VPS13B: variants seen among roughly 807,000 people sequenced by gnomAD.
The protein encoded by VPS13B is vacuolar protein sorting 13 homolog B, also known as intermembrane lipid transfer protein VPS13B.
A neutral mutation model predicts 426.4 loss-of-function variants in VPS13B; 285 were observed. That is an observed-to-expected ratio of 0.67 (90% confidence interval 0.61 to 0.74). The LOEUF (loss-of-function observed/expected upper bound fraction) is 0.74, where lower values mean the gene tolerates loss of function less well. VPS13B is among the 30% of genes least tolerant of loss of function. VPS13B has a pLI of 0.00. For missense variants in VPS13B, 4,537 were observed against 4,782.6 expected (o/e 0.95, Z 1.51); for synonymous variants, 1,676 against 1,676.4 (o/e 1.00, Z 0.01).
chr8:99,624,844 T>C (rs1256586582), intron 33 of VPS13B, among the ~76,000 whole-genome samples: 1 of 151,018 alleles, frequency 6.6e-6, no homozygotes, highest in African/African-American at 2.4e-5. Flanking sequence ...TGAGATGGAG[T>C]TTTGCTCTTG....
chr8:99,853,948 T>C lies in VPS13B; in HGVS notation c.10559T>C (p.Phe3520Ser). The C allele has an allele frequency of 6.2e-7, 1 of 1,614,252 alleles. No homozygotes were observed. The highest frequency in any genetic ancestry group is 8.5e-7 in the Non-Finnish European group (1 of 1,180,044). The change falls in exon 56 of 62, where the codon TTT becomes TCT. Residue 3520 changes from phenylalanine (F) to serine (S), a missense_variant. By Grantham distance (155) the Phe-to-Ser change is radical. Transcript: ENST00000357162. Reference protein sequence around the residue: ...DTFVYYIKTLFDTYLPNSRLA... With the variant: ...DTFVYYIKTLSDTYLPNSRLA... ...TTTGTATACTACATCAAGACTTTGT[T>C]TGACACCTACCTTCCTAACAGCAGG...
At chr8:99,725,561 C>T (rs145616599) in intron 39 of VPS13B, among the ~76,000 whole-genome samples, 127 of 152,262 alleles carry the variant, frequency 8.3e-4, no homozygotes, top group African/African-American at 1.2e-3. Flanking sequence ...TCTATGAAAC[C>T]GGTCCCTGGT....
rs1033237282 is a variant in VPS13B at position 99,525,334 on chromosome 8, A to G, written c.4745+4324A>G. 3.9e-5 allele frequency among the ~76,000 whole-genome samples: 6 copies of G among 152,148 alleles called. No individual in the cohort carries two copies. The South Asian group carries it at 6.2e-4, about 16-fold the overall frequency. On this transcript the variant is annotated intron_variant, in intron 30 of 61. Coordinates refer to ENST00000357162, the MANE Select transcript of VPS13B (RefSeq NM_152564.5). ...CTTTGCCTGTTTGTTTGTTTATGCA[A>G]TCAGTGTTGTCATAAGTTTAAAATA...
At chr8:99,022,939 A>T (rs573842799) in intron 2 of VPS13B, among the ~76,000 whole-genome samples, 1 of 144,130 alleles carries the variant, frequency 6.9e-6, no homozygotes, top group African/African-American at 2.6e-5. Flanking sequence ...TTGTTTTTCT[A>T]CTCTCAAGGT....
At chr8:99,701,639 C>G (rs1340444511) in intron 36 of VPS13B, among the ~76,000 whole-genome samples, 1 of 152,092 alleles carries the variant, frequency 6.6e-6, no homozygotes, top group East Asian at 1.9e-4. Flanking sequence ...AACACAAAAA[C>G]AGCAACTATA....
At chr8:99,813,885 G>A (rs1421127807) in intron 44 of VPS13B, among the ~76,000 whole-genome samples, 1 of 152,204 alleles carries the variant, frequency 6.6e-6, no homozygotes, top group Non-Finnish European at 1.5e-5. Context: ...TATGATCCCA[G>A]CACTTTGGGA....
At chr8:99,206,957 TA>T (rs36120189) in intron 17 of VPS13B, among the ~76,000 whole-genome samples, 1,854 of 151,412 alleles carry the variant, frequency 0.012, 14 homozygotes, top group Middle Eastern at 0.034. Context: ...TATTCTTGCG[TA>T]AAAAAAAATG....
intron 23 of VPS13B, among the ~76,000 whole-genome samples, chr8:99,457,537 A>G (rs1326418092): frequency 6.6e-6 from 1 of 152,072 alleles, no homozygotes; most frequent in Non-Finnish European, 1.5e-5. Flanking sequence ...AATCTGTTAG[A>G]AATAATTTTT....
chr8:99,527,811 A>G (rs1234326839), intron 30 of VPS13B: 6 of 152,188 alleles, frequency 3.9e-5, no homozygotes, highest in Non-Finnish European at 7.4e-5. Flanking sequence ...AAGCATATTA[A>G]TAATTTAATA....
At chr8:99,730,309 C>A (rs914808396) in intron 39 of VPS13B, among the ~76,000 whole-genome samples, 2 of 152,094 alleles carry the variant, frequency 1.3e-5, no homozygotes, top group African/African-American at 4.8e-5. Context: ...GAGGTTGAGC[C>A]AGACTCTTAG....
intron 4 of VPS13B, among the ~76,000 whole-genome samples, chr8:99,101,284 A>C (rs940275874): frequency 6.6e-6 from 1 of 151,928 alleles, no homozygotes; most frequent in Non-Finnish European, 1.5e-5. Flanking sequence ...GGTGCCTGCC[A>C]CCACGCCCGG....
At chr8:99,806,267 C>T (rs1429244602) in intron 43 of VPS13B, among the ~76,000 whole-genome samples, 2 of 152,192 alleles carry the variant, frequency 1.3e-5, no homozygotes, top group Non-Finnish European at 2.9e-5. Context: ...CCTTTTCTCT[C>T]GCCAGTTGAG....
At chr8:99,693,383 G>T (rs1367569495) in intron 35 of VPS13B, among the ~76,000 whole-genome samples, 2 of 150,118 alleles carry the variant, frequency 1.3e-5, no homozygotes, top group Non-Finnish European at 3.0e-5. Flanking sequence ...ATGCAAGGCT[G>T]GTTCAATATA....
chr8:99,828,406 T>G lies in VPS13B; in HGVS notation c.9331-3963T>G, dbSNP rs985499231. ...GATTACAACCACCGTTTTTTTTTTT[T>G]TTTTTTTTTTTTTTTTTTTTTTTTT... On this transcript the variant is annotated intron_variant, in intron 51 of 61. Coordinates refer to ENST00000357162, the MANE Select transcript of VPS13B (RefSeq NM_152564.5). Among the ~76,000 whole-genome samples the G allele has an allele frequency of 1.8e-3, 78 of 43,110 alleles. 5 individuals are homozygous for G. The highest frequency in any genetic ancestry group is 5.6e-3 in the Admixed American group (17 of 3,010). The allele number at this position is 43,110 out of a possible 152,430, so 28.3% of individuals were successfully genotyped here.
intron 31 of VPS13B, among the ~76,000 whole-genome samples, chr8:99,568,879 T>C (rs1034107436): frequency 1.3e-5 from 2 of 151,554 alleles, no homozygotes; most frequent in South Asian, 4.2e-4. Flanking sequence ...TGGCGCAATT[T>C]TGGCTCACTG....
intron 30 of VPS13B, among the ~76,000 whole-genome samples, chr8:99,544,753 A>C (rs1356175487): frequency 6.6e-6 from 1 of 152,242 alleles, no homozygotes; most frequent in Non-Finnish European, 1.5e-5. Flanking sequence ...CAAGAGGTTT[A>C]TATCAACTTA....
chr8:99,653,543 A>G (rs756385059), intron 34 of VPS13B, among the ~76,000 whole-genome samples: 4 of 151,978 alleles, frequency 2.6e-5, no homozygotes, highest in Non-Finnish European at 5.9e-5. Flanking sequence ...GCCACATTAG[A>G]ATTTAATATG....
chr8:99,645,075 A>G (rs976632757), intron 34 of VPS13B, among the ~76,000 whole-genome samples: 5 of 152,146 alleles, frequency 3.3e-5, no homozygotes, highest in Non-Finnish European at 2.9e-5. Flanking sequence ...CTCAACCTCT[A>G]TGGGTCCCCT....
chr8:99,310,492 T>C (rs910768380), intron 19 of VPS13B, among the ~76,000 whole-genome samples: 1 of 152,358 alleles, frequency 6.6e-6, no homozygotes, highest in South Asian at 2.1e-4. Flanking sequence ...ATTATGTTTA[T>C]TGATTTGCGT....
Sources: allele counts gnomAD v4.1 joint callset (sites outside exome capture counted in the v4.1 genomes callset), GRCh38; gene constraint gnomAD v4.1.1; transcripts MANE v1.5; gene names NCBI Gene and HGNC (gene_info 2026-07-23, HGNC 2026-07-21).